The following SLC25A12 variants were observed in gnomAD, a reference collection of about 807,000 sequenced individuals.
SLC25A12 encodes the protein solute carrier family 25 member 12.
SLC25A12 carries 32 observed loss-of-function variants against 83.3 expected under a neutral mutation model. The ratio of observed to expected loss-of-function variants is 0.38; its 90% CI spans 0.29 to 0.52. The LOEUF is 0.52. SLC25A12 is among the 20% of genes least tolerant of loss of function. The pLI, the probability that SLC25A12 is intolerant of heterozygous loss-of-function variation, is 0.84. For missense variants in SLC25A12, 611 were observed against 835.6 expected (o/e 0.73, Z 3.31); for synonymous variants, 267 against 291.1 (o/e 0.92, Z 0.84).
At chr2:171,876,458 AT>A (rs1216347930) in intron 2 of SLC25A12, among the ~76,000 whole-genome samples, 2 of 148,338 alleles carry the variant, frequency 1.3e-5, no homozygotes, top group Admixed American at 1.4e-4. Context: ...ATGCTAAAAT[AT>A]TTTAGGTATT....
intron 8 of SLC25A12, among the ~76,000 whole-genome samples, chr2:171,833,104 G>A (rs1487953165): frequency 6.6e-6 from 1 of 152,068 alleles, no homozygotes. Flanking sequence ...CTCACCTAGA[G>A]ACGATTAAGC....
chr2:171,820,718 A>C, intron 9 of SLC25A12, among the ~76,000 whole-genome samples: 1 of 89,600 alleles, frequency 1.1e-5, no homozygotes, highest in African/African-American at 3.4e-5. Flanking sequence ...ACAGAGCGAG[A>C]CTCCGTCTCA....
At chr2:171,832,984 C>T (rs1360422445) in intron 8 of SLC25A12, among the ~76,000 whole-genome samples, 1 of 152,104 alleles carries the variant, frequency 6.6e-6, no homozygotes, top group Non-Finnish European at 1.5e-5. Context: ...TGGTCAAGGG[C>T]ACCAAGCTGG....
chr2:171,846,823 T>G (rs1684806871), intron 4 of SLC25A12, among the ~76,000 whole-genome samples: 1 of 152,124 alleles, frequency 6.6e-6, no homozygotes, highest in African/African-American at 2.4e-5. Flanking sequence ...AAGTTTCTAT[T>G]ATCACAAAAA....
intron 8 of SLC25A12, 89 bp from the exon 9 acceptor site, chr2:171,826,971 A>AC (rs1684315826): frequency 1.3e-6 from 1 of 756,094 alleles, no homozygotes; most frequent in Non-Finnish European, 2.4e-6. Context: ...AACAAAAAAC[A>AC]GTGAACTATA....
At chr2:171,878,987 A>G (rs954840264) in intron 2 of SLC25A12, among the ~76,000 whole-genome samples, 3 of 152,248 alleles carry the variant, frequency 2.0e-5, no homozygotes, top group Admixed American at 6.5e-5. Context: ...AACCCTGTTA[A>G]ACAGTACAAT....
chr2:171,887,088 T>C (rs1008127296), intron 2 of SLC25A12, among the ~76,000 whole-genome samples: 2 of 152,196 alleles, frequency 1.3e-5, no homozygotes, highest in Non-Finnish European at 2.9e-5. Context: ...CCCTGCTTTA[T>C]TCCCTTCTCA....
intron 14 of SLC25A12, among the ~76,000 whole-genome samples, chr2:171,792,224 T>C (rs1466943315): frequency 6.6e-6 from 1 of 151,976 alleles, no homozygotes. Context: ...ACCATTCCAC[T>C]ACCTAGCTAG....
intron 4 of SLC25A12, among the ~76,000 whole-genome samples, chr2:171,850,480 G>A (rs1684905017): frequency 6.6e-6 from 1 of 151,264 alleles, no homozygotes; most frequent in African/African-American, 2.4e-5. Flanking sequence ...CAAGTAGCTG[G>A]GATTACAGGC....
chr2:171,840,534 A>G (rs777640015), intron 5 of SLC25A12, among the ~76,000 whole-genome samples: 1 of 152,140 alleles, frequency 6.6e-6, no homozygotes, highest in Non-Finnish European at 1.5e-5. Flanking sequence ...AAGTGAAAGA[A>G]AAGAGTGCAT....
At chr2:171,805,000 G>A (rs1051639885) in intron 13 of SLC25A12, among the ~76,000 whole-genome samples, 1 of 152,160 alleles carries the variant, frequency 6.6e-6, no homozygotes, top group African/African-American at 2.4e-5. Flanking sequence ...TGTGGTGATG[G>A]TTTCACAACA....
chr2:171,868,845 G>A (rs1302212045), intron 2 of SLC25A12, 22 bp from the exon 3 acceptor site: 1 of 1,586,890 alleles, frequency 6.3e-7, no homozygotes, highest in Admixed American at 1.7e-5. Flanking sequence ...AATAAATAAT[G>A]CATACTGAAA....
intron 3 of SLC25A12, among the ~76,000 whole-genome samples, chr2:171,863,840 G>A (rs72885592): frequency 6.6e-6 from 1 of 152,276 alleles, no homozygotes; most frequent in Non-Finnish European, 1.5e-5. Flanking sequence ...AAGATCCTAT[G>A]AGTGAATGAT....
chr2:171,823,734 G>A (rs1236446838), intron 9 of SLC25A12, among the ~76,000 whole-genome samples: 5 of 152,156 alleles, frequency 3.3e-5, no homozygotes, highest in African/African-American at 1.2e-4. Context: ...AAGATCAGTG[G>A]ATTAATGTAA....
At chr2:171,894,078 G>T in intron 1 of SLC25A12, 125 bp downstream of exon 1, 1 of 1,321,476 alleles carries the variant, frequency 7.6e-7, no homozygotes, top group South Asian at 1.3e-5. Context: ...GCAGCAAGCC[G>T]GAGCCCCAGG....
intron 9 of SLC25A12, among the ~76,000 whole-genome samples, chr2:171,823,268 G>A (rs1286908505): frequency 6.6e-6 from 1 of 151,912 alleles, no homozygotes; most frequent in Non-Finnish European, 1.5e-5. Flanking sequence ...ATGTTACAAA[G>A]GAAAAAGGAG....
intron 8 of SLC25A12, among the ~76,000 whole-genome samples, chr2:171,831,484 A>T (rs1684430173): frequency 6.6e-6 from 1 of 152,238 alleles, no homozygotes; most frequent in African/African-American, 2.4e-5. Flanking sequence ...TATGAGAAAG[A>T]ATCTTGTATG....
At chr2:171,851,191 TC>T (rs1010547558) in intron 4 of SLC25A12, among the ~76,000 whole-genome samples, 1 of 151,752 alleles carries the variant, frequency 6.6e-6, no homozygotes, top group African/African-American at 2.4e-5. Context: ...TGTGGTTTTT[TC>T]TTGTTTGTTT....
At chr2:171,862,900 T>A (rs1397832187) in intron 3 of SLC25A12, among the ~76,000 whole-genome samples, 1 of 152,116 alleles carries the variant, frequency 6.6e-6, no homozygotes, top group African/African-American at 2.4e-5. Context: ...AGAGAATATC[T>A]TTTTTCTTTT....
Sources: gnomAD v4.1 joint callset for allele counts (sites outside exome capture counted in the v4.1 genomes callset) on GRCh38, gnomAD v4.1.1 for gene constraint, MANE v1.5 for transcripts, NCBI Gene and HGNC (gene_info 2026-07-23, HGNC 2026-07-21) for gene names.